TAFA1: variants seen among roughly 807,000 people sequenced by gnomAD.
TAFA1 encodes TAFA chemokine like family member 1, also known as chemokine-like protein TAFA-1.
In TAFA1, 4 loss-of-function variants were observed where a neutral mutation model predicts 18.5. That is an observed-to-expected ratio of 0.22 (90% confidence interval 0.11 to 0.49). The LOEUF (loss-of-function observed/expected upper bound fraction) is 0.49, where lower values mean the gene tolerates loss of function less well. Ranked by LOEUF, TAFA1 falls within the 20% of genes least tolerant of loss-of-function variation. The probability of loss-of-function intolerance (pLI) is 0.98; values close to 1 mark genes in which losing one functional copy is unlikely to be tolerated. For missense variants in TAFA1, 147 were observed against 169.0 expected, an observed-to-expected ratio of 0.87 and a Z score of 0.72; for synonymous variants, 56 against 55.2, an observed-to-expected ratio of 1.01 and a Z score of -0.06.
chr3:68,054,263 G>T (rs2064506426), intron 2 of TAFA1, among the ~76,000 whole-genome samples: 1 of 152,098 alleles, frequency 6.6e-6, no homozygotes, highest in South Asian at 2.1e-4. Flanking sequence ...CCCTTTGGGA[G>T]CCAGGGGTCA....
chr3:68,476,905 A>G (rs929094132), intron 3 of TAFA1, among the ~76,000 whole-genome samples: 2 of 152,164 alleles, frequency 1.3e-5, no homozygotes, highest in East Asian at 3.8e-4. Flanking sequence ...ATTTTGATCA[A>G]TGTATAACAT....
intron 2 of TAFA1, among the ~76,000 whole-genome samples, chr3:68,073,750 T>A (rs1258900076): frequency 6.6e-6 from 1 of 151,954 alleles, no homozygotes; most frequent in African/African-American, 2.4e-5. Flanking sequence ...ACAGCAGTGG[T>A]AGGAGTAGCT....
chr3:68,064,239 G>A (rs1022801733), intron 2 of TAFA1, among the ~76,000 whole-genome samples: 5 of 152,172 alleles, frequency 3.3e-5, no homozygotes, highest in African/African-American at 1.2e-4. Flanking sequence ...CATTTTCTCC[G>A]AAAAAAGAAA....
At chr3:68,259,878 T>G (rs1225724307) in intron 2 of TAFA1, among the ~76,000 whole-genome samples, 144 of 152,254 alleles carry the variant, frequency 9.5e-4, no homozygotes, top group African/African-American at 3.3e-3. Context: ...TCATGTCATC[T>G]GCAAACAGGG....
intron 2 of TAFA1, among the ~76,000 whole-genome samples, chr3:68,019,531 G>A (rs907247019): frequency 6.6e-6 from 1 of 152,104 alleles, no homozygotes; most frequent in South Asian, 2.1e-4. Context: ...TCATAAGATT[G>A]TTTGGCATTT....
At chr3:68,184,071 T>C (rs964920227) in intron 2 of TAFA1, among the ~76,000 whole-genome samples, 7 of 152,172 alleles carry the variant, frequency 4.6e-5, no homozygotes, top group Non-Finnish European at 7.4e-5. Flanking sequence ...AACATTAAGC[T>C]GCTTTTCTCC....
In TAFA1 at chr3:68,010,934, C is replaced by A. The variant is rs150974143; in HGVS notation, c.118+4190C>A. 8.2e-4 allele frequency among the ~76,000 whole-genome samples: 125 copies of A among 152,042 alleles called. 1 individual carries two copies. The East Asian group carries it at 0.01, about 13-fold the overall frequency. On this transcript the variant is annotated intron_variant, in intron 2 of 4. Transcript: ENST00000478136. ...AAAATGAAAACTCAAAAGTGGTGTTCAATTGTTTCAGGTAATTATAAAATA... is the reference window on the plus strand; with the variant it reads ...AAAATGAAAACTCAAAAGTGGTGTTAAATTGTTTCAGGTAATTATAAAATA...
intron 3 of TAFA1, among the ~76,000 whole-genome samples, chr3:68,431,065 C>T (rs1041398296): frequency 6.6e-6 from 1 of 151,820 alleles, no homozygotes; most frequent in African/African-American, 2.4e-5. Flanking sequence ...TTGACAACAC[C>T]ATGTTGTATG....
At chr3:68,280,573 C>A (rs2067880246) in intron 2 of TAFA1, among the ~76,000 whole-genome samples, 1 of 152,056 alleles carries the variant, frequency 6.6e-6, no homozygotes, top group Non-Finnish European at 1.5e-5. Flanking sequence ...AACAACCCTA[C>A]CTCCACTTTT....
chr3:68,133,933 G>T (rs1196120442), intron 2 of TAFA1, among the ~76,000 whole-genome samples: 2 of 152,220 alleles, frequency 1.3e-5, no homozygotes, highest in African/African-American at 4.8e-5. Flanking sequence ...GTTAAAGAAA[G>T]AGGGACTCAC....
intron 2 of TAFA1, among the ~76,000 whole-genome samples, chr3:68,122,907 T>C (rs1418066043): frequency 6.6e-6 from 1 of 151,848 alleles, no homozygotes. Context: ...ATATTAAATA[T>C]GTATATGTTT....
At chr3:68,266,220 T>C (rs1269443035) in intron 2 of TAFA1, among the ~76,000 whole-genome samples, 1 of 152,166 alleles carries the variant, frequency 6.6e-6, no homozygotes, top group Non-Finnish European at 1.5e-5. Flanking sequence ...AGGATGGTCA[T>C]TTAAGCTTTT....
chr3:68,263,453 A>ACGCG (rs576712147), intron 2 of TAFA1, among the ~76,000 whole-genome samples: 2 of 150,336 alleles, frequency 1.3e-5, no homozygotes, highest in East Asian at 2.0e-4. Context: ...ACATACACAC[A>ACGCG]CACACACACA....
intron 2 of TAFA1, among the ~76,000 whole-genome samples, chr3:68,236,145 A>G (rs1240610256): frequency 6.6e-6 from 1 of 152,204 alleles, no homozygotes; most frequent in Non-Finnish European, 1.5e-5. Flanking sequence ...CAATAAAGGC[A>G]GAACACCAAA....
At chr3:68,286,261 A>G (rs1043144498) in intron 2 of TAFA1, among the ~76,000 whole-genome samples, 3 of 152,048 alleles carry the variant, frequency 2.0e-5, no homozygotes, top group Non-Finnish European at 2.9e-5. Context: ...TTAAATTAAA[A>G]ATATTTTTTT....
At chr3:68,120,441 G>T (rs2065385762) in intron 2 of TAFA1, among the ~76,000 whole-genome samples, 1 of 151,986 alleles carries the variant, frequency 6.6e-6, no homozygotes, top group African/African-American at 2.4e-5. Flanking sequence ...TAGAGATGGA[G>T]TTTTGCCATG....
intron 2 of TAFA1, among the ~76,000 whole-genome samples, chr3:68,349,407 G>C (rs956546563): frequency 2.6e-5 from 4 of 151,994 alleles, no homozygotes; most frequent in Non-Finnish European, 4.4e-5. Context: ...AGATCCCTTA[G>C]AGACTACAGC....
At chr3:68,414,308 A>AAAAC (rs763786413) in intron 2 of TAFA1, among the ~76,000 whole-genome samples, 3 of 152,154 alleles carry the variant, frequency 2.0e-5, no homozygotes, top group Non-Finnish European at 4.4e-5. Context: ...ACGCCATATC[A>AAAAC]AAACAAACAA....
chr3:68,164,363 G>T (rs1380736182), intron 2 of TAFA1, among the ~76,000 whole-genome samples: 1 of 152,170 alleles, frequency 6.6e-6, no homozygotes, highest in Non-Finnish European at 1.5e-5. Flanking sequence ...GGCCTTTAAG[G>T]TGTTGTAACT....
Sources: gnomAD v4.1 joint callset for allele counts (sites outside exome capture counted in the v4.1 genomes callset) on GRCh38, gnomAD v4.1.1 for gene constraint, MANE v1.5 for transcripts, NCBI Gene and HGNC (gene_info 2026-07-23, HGNC 2026-07-21) for gene names.